The following NCOA3 variants were observed in gnomAD, a reference collection of about 807,000 sequenced individuals.
The protein encoded by NCOA3 is CBP-interacting protein.
NCOA3 carries 51 observed loss-of-function variants against 158.8 expected under a neutral mutation model. The ratio of observed to expected loss-of-function variants is 0.32; its 90% CI spans 0.26 to 0.41. The LOEUF (loss-of-function observed/expected upper bound fraction) is 0.41. Among genes scored for constraint, NCOA3 ranks in the 10% least tolerant of loss-of-function variants. The pLI, the probability that NCOA3 is intolerant of heterozygous loss-of-function variation, is 1.00. For missense variants in NCOA3, 1,510 were observed against 1,746.6 expected (o/e 0.86, Z 2.41); for synonymous variants, 537 against 592.4 (o/e 0.91, Z 1.36).
chr20:47,634,920 C>A, intron 10 of NCOA3, among the ~76,000 whole-genome samples: 1 of 120,134 alleles, frequency 8.3e-6, no homozygotes, highest in African/African-American at 3.2e-5. Context: ...TTCTCTTCTT[C>A]TTTTTTTTTT....
At chr20:47,571,416 C>G (rs1436299520) in intron 1 of NCOA3, among the ~76,000 whole-genome samples, 3 of 150,702 alleles carry the variant, frequency 2.0e-5, no homozygotes, top group African/African-American at 7.3e-5. Flanking sequence ...CTCCTGTGTT[C>G]AAGCGATTCT....
At chr20:47,523,140 C>G (rs2084373046) in intron 1 of NCOA3, among the ~76,000 whole-genome samples, 1 of 152,144 alleles carries the variant, frequency 6.6e-6, no homozygotes, top group Non-Finnish European at 1.5e-5. Flanking sequence ...GAGCCGAGAT[C>G]GCGCCACTGC....
At chr20:47,571,801 T>G (rs1022283648) in intron 1 of NCOA3, among the ~76,000 whole-genome samples, 1 of 151,740 alleles carries the variant, frequency 6.6e-6, no homozygotes, top group East Asian at 1.9e-4. Flanking sequence ...AATCTCAGCT[T>G]AATGCAACCT....
intron 1 of NCOA3, among the ~76,000 whole-genome samples, chr20:47,505,949 C>T (rs542518175): frequency 3.3e-4 from 50 of 152,062 alleles, no homozygotes; most frequent in Non-Finnish European, 5.0e-4. Context: ...GGACTACCGG[C>T]GCTCGCCACC....
At chr20:47,535,639 C>G (rs2084620597) in intron 1 of NCOA3, among the ~76,000 whole-genome samples, 1 of 151,930 alleles carries the variant, frequency 6.6e-6, no homozygotes, top group South Asian at 2.1e-4. Flanking sequence ...TCCCGAGTAG[C>G]TGGGATTACA....
At chr20:47,613,108 T>C (rs1385685009) in intron 2 of NCOA3, among the ~76,000 whole-genome samples, 1 of 152,244 alleles carries the variant, frequency 6.6e-6, no homozygotes, top group Non-Finnish European at 1.5e-5. Flanking sequence ...AATTTATATA[T>C]TAAAAATAGG....
intron 1 of NCOA3, among the ~76,000 whole-genome samples, chr20:47,561,977 CTT>C (rs145723096): frequency 6.7e-6 from 1 of 148,706 alleles, no homozygotes; most frequent in Admixed American, 6.7e-5. Flanking sequence ...CATAGTTTTG[CTT>C]TTTTTTTTGA....
intron 18 of NCOA3, 127 bp downstream of exon 18, chr20:47,647,493 G>C: frequency 1.1e-6 from 1 of 871,786 alleles, no homozygotes; most frequent in Non-Finnish European, 1.7e-6. Flanking sequence ...TTTTACTTCT[G>C]TGTAAGGTTT....
At chr20:47,558,252 T>C (rs2146173812) in intron 1 of NCOA3, among the ~76,000 whole-genome samples, 1 of 130,872 alleles carries the variant, frequency 7.6e-6, no homozygotes, top group Non-Finnish European at 1.6e-5. Flanking sequence ...TTTTTTTTTT[T>C]TTTTTTTTTA....
At chr20:47,561,467 A>G (rs1456137329) in intron 1 of NCOA3, among the ~76,000 whole-genome samples, 1 of 150,654 alleles carries the variant, frequency 6.6e-6, no homozygotes, top group African/African-American at 2.4e-5. Context: ...ACACCCAGCT[A>G]ATTTTTTTTC....
Position 47,622,272 on chromosome 20 carries a change from G to A in NCOA3, c.25G>A (p.Asp9Asn). The change falls in exon 3 of 23, where the codon GAT (aspartate) becomes AAT (asparagine). Residue 9 changes from aspartate to asparagine, a missense_variant. Asp to Asn is a conservative substitution (Grantham distance 23, BLOSUM62 1). Transcript: ENST00000371998. MSGLGENL[D>N]PLASDSRKRK... ...GATGAGTGGATTAGGAGAAAACTTG[G>A]ATCCACTGGCCAGTGATTCACGAAA... The A allele has an allele frequency of 6.2e-7, 1 of 1,606,782 alleles. No individual in the cohort carries two copies. The highest frequency in any genetic ancestry group is 1.7e-4 in the Middle Eastern group (1 of 6,052).
Position 47,651,402 on chromosome 20 carries a change from C to G in NCOA3, c.3946+126C>G. Reference sequence around the variant, plus strand: ...TCCCTCTTTACTTCACAAGGAAAACCAAATTAATTTAAATGATTGGAAAAC... The same window carrying G: ...TCCCTCTTTACTTCACAAGGAAAACGAAATTAATTTAAATGATTGGAAAAC... On this transcript the variant is annotated intron_variant, in intron 20 of 22. Coordinates refer to ENST00000371998, the MANE Select transcript of NCOA3 (RefSeq NM_181659.3). 3 of 1,414,714 alleles carry G rather than the reference C, an allele frequency of 2.1e-6. No homozygotes were observed. In the South Asian group the frequency reaches 4.4e-5, roughly 21 times the overall value. 87.6% of individuals were successfully genotyped at this position (1,414,714 alleles called of 1,614,324 possible).
intron 17 of NCOA3, among the ~76,000 whole-genome samples, chr20:47,646,104 C>A (rs11086219): frequency 0.21 from 31,430 of 152,042 alleles, 3,722 homozygotes; most frequent in Middle Eastern, 0.29. Context: ...TGCTCAAGTC[C>A]CTTATATAAA....
chr20:47,594,557 C>G (rs2085712038), intron 2 of NCOA3, among the ~76,000 whole-genome samples: 1 of 148,680 alleles, frequency 6.7e-6, no homozygotes. Context: ...CCCAGCTACT[C>G]AGGAGGCTGA....
chr20:47,547,454 C>T (rs916166398), intron 1 of NCOA3, among the ~76,000 whole-genome samples: 1 of 151,602 alleles, frequency 6.6e-6, no homozygotes, highest in African/African-American at 2.4e-5. Context: ...GCTCTGCCAC[C>T]CAGGCTAGAG....
At chr20:47,515,404 G>A (rs1055641506) in intron 1 of NCOA3, among the ~76,000 whole-genome samples, 3 of 150,414 alleles carry the variant, frequency 2.0e-5, no homozygotes, top group African/African-American at 4.9e-5. Flanking sequence ...CACCCCCCTC[G>A]GCCTCCCAAA....
In NCOA3 at chr20:47,599,401, A is replaced by G. The variant is rs183256607; in HGVS notation, c.-20+16140A>G. Reference sequence around the variant, plus strand: ...AGGTTGAGGGGGTGGGAATGGGAGCAGGGGGGAATAACAGCTAAGGGATTT... The same window carrying G: ...AGGTTGAGGGGGTGGGAATGGGAGCGGGGGGGAATAACAGCTAAGGGATTT... On this transcript the variant is annotated intron_variant, in intron 2 of 22. Coordinates refer to ENST00000371998, the MANE Select transcript of NCOA3 (RefSeq NM_181659.3). 8.3e-4 allele frequency among the ~76,000 whole-genome samples: 127 copies of G among 152,102 alleles called. 1 individual carries two copies. The highest frequency in any genetic ancestry group is 4.7e-3 in the Admixed American group (71 of 15,264).
Position 47,651,034 on chromosome 20 carries a change from G to A in NCOA3, c.3704G>A (p.Ser1235Asn), listed in dbSNP as rs769057467. The A allele has an allele frequency of 6.2e-7, 1 of 1,614,068 alleles. No individual in the cohort carries two copies. Among genetic ancestry groups the A allele is most frequent in the Non-Finnish European group, 8.5e-7 (1 of 1,180,026 alleles). ...MVAQRSRELL[S>N]HHFRQQRVAM... ...GCCCAACGCAGCAGAGAGCTGCTAAGTCATCACTTCCGACAACAGAGGGTG... is the reference window on the plus strand; with the variant it reads ...GCCCAACGCAGCAGAGAGCTGCTAAATCATCACTTCCGACAACAGAGGGTG... Residue 1235 changes from serine to asparagine, a missense_variant, in exon 20 of 23, where the codon AGT becomes AAT. Ser to Asn is a conservative substitution (Grantham distance 46). Coordinates refer to ENST00000371998, the MANE Select transcript of NCOA3 (RefSeq NM_181659.3).
At position 47,514,967 on chromosome 20, in the gene NCOA3, G is replaced by T. The variant is rs2146064575; in HGVS notation, c.-99+12948G>T. ...CCCAAAGTGCTGGGATTACAGGCAT[G>T]AGCCACCACACCCAGCCTCTTGTAT... On this transcript the variant is annotated intron_variant, in intron 1 of 22. Coordinates refer to ENST00000371998, the MANE Select transcript of NCOA3 (RefSeq NM_181659.3). Among the ~76,000 whole-genome samples, 2 of 151,414 alleles carry T rather than the reference G, an allele frequency of 1.3e-5. 1 individual carries two copies. Among genetic ancestry groups the T allele is most frequent in the South Asian group, 4.2e-4 (2 of 4,802 alleles).
Sources: allele counts gnomAD v4.1 joint callset (sites outside exome capture counted in the v4.1 genomes callset), GRCh38; gene constraint gnomAD v4.1.1; transcripts MANE v1.5; gene names NCBI Gene and HGNC (gene_info 2026-07-23, HGNC 2026-07-21).